SLC30A8: variants seen among roughly 807,000 people sequenced by gnomAD.
The protein encoded by SLC30A8 is proton-coupled zinc antiporter SLC30A8.
Under a neutral mutation model 36.9 loss-of-function variants are expected in SLC30A8, and 27 were observed. The observed-to-expected ratio is 0.73, with a 90% CI of 0.54 to 1.01. The LOEUF (loss-of-function observed/expected upper bound fraction) is 1.01. Among genes scored for constraint, SLC30A8 ranks in the 50% least tolerant of loss-of-function variants. The probability of loss-of-function intolerance (pLI) is 0.00; values close to 1 mark genes in which losing one functional copy is unlikely to be tolerated. For synonymous variants in SLC30A8, 164 were observed against 172.4 expected (o/e 0.95, Z 0.38); for missense variants, 439 against 452.0 (o/e 0.97, Z 0.26).
At chr8:117,136,868 C>T (rs2130936882) in intron 1 of SLC30A8, among the ~76,000 whole-genome samples, 1 of 152,080 alleles carries the variant, frequency 6.6e-6, no homozygotes, top group African/African-American at 2.4e-5. Context: ...GTATGGTTTT[C>T]AGGACACAGT....
chr8:117,095,691 C>G (rs868134356), intron 2 of SLC30A8, among the ~76,000 whole-genome samples: 2 of 152,214 alleles, frequency 1.3e-5, no homozygotes, highest in South Asian at 4.1e-4. Flanking sequence ...TTGTTCATTC[C>G]TTTAGTCAGG....
At chr8:116,986,182 G>C (rs901264957) in intron 1 of SLC30A8, among the ~76,000 whole-genome samples, 4 of 152,182 alleles carry the variant, frequency 2.6e-5, no homozygotes, top group African/African-American at 9.6e-5. Context: ...TTTCTTCTTA[G>C]TTTTCTTCAT....
intron 2 of SLC30A8, among the ~76,000 whole-genome samples, chr8:117,040,104 T>G (rs1817335969): frequency 1.3e-5 from 2 of 152,364 alleles, no homozygotes; most frequent in South Asian, 4.1e-4. Context: ...AATTTCTTTC[T>G]GATCACTGTG....
intron 6 of SLC30A8, among the ~76,000 whole-genome samples, chr8:117,168,764 G>C (rs1823199212): frequency 1.3e-5 from 2 of 152,138 alleles, no homozygotes; most frequent in Admixed American, 6.5e-5. Flanking sequence ...AGGCATAACA[G>C]ACAGTGTTTT....
chr8:117,079,951 C>T (rs1818615632), intron 2 of SLC30A8, among the ~76,000 whole-genome samples: 1 of 152,158 alleles, frequency 6.6e-6, no homozygotes, highest in African/African-American at 2.4e-5. Context: ...TCTCTAATTA[C>T]TTTGGTCGTG....
At chr8:117,054,289 CAG>C (rs1317536476) in intron 2 of SLC30A8, among the ~76,000 whole-genome samples, 1 of 151,838 alleles carries the variant, frequency 6.6e-6, no homozygotes, top group Non-Finnish European at 1.5e-5. Context: ...TTTGTAGAAA[CAG>C]GGTCTTGCCG....
intron 3 of SLC30A8, among the ~76,000 whole-genome samples, chr8:117,154,383 C>G (rs978056574): frequency 1.2e-4 from 18 of 152,180 alleles, no homozygotes; most frequent in Non-Finnish European, 1.2e-4. Flanking sequence ...CATTTTCACA[C>G]TGGTTGAGAA....
At chr8:117,024,763 C>T (rs933347730) in intron 1 of SLC30A8, among the ~76,000 whole-genome samples, 2 of 152,124 alleles carry the variant, frequency 1.3e-5, no homozygotes, top group Admixed American at 6.5e-5. Flanking sequence ...TTCTTTTTCT[C>T]CCCTATCAGT....
At chr8:117,079,051 G>T (rs188211192) in intron 2 of SLC30A8, among the ~76,000 whole-genome samples, 19 of 151,374 alleles carry the variant, frequency 1.3e-4, no homozygotes, top group African/African-American at 4.4e-4. Flanking sequence ...TTGCTCTGTC[G>T]TCCAGGCTGG....
intron 1 of SLC30A8, among the ~76,000 whole-genome samples, chr8:117,021,227 C>T (rs1816686746): frequency 6.6e-6 from 1 of 152,176 alleles, no homozygotes; most frequent in South Asian, 2.1e-4. Flanking sequence ...GGTTTGCTGC[C>T]TTCTGATCTC....
intron 2 of SLC30A8, among the ~76,000 whole-genome samples, chr8:117,050,651 C>T (rs1817679896): frequency 6.6e-6 from 1 of 152,152 alleles, no homozygotes; most frequent in Admixed American, 6.5e-5. Context: ...GGTGATCCGC[C>T]CTCTTTGGCC....
At chr8:116,961,110 C>T (rs1814401812) in intron 1 of SLC30A8, among the ~76,000 whole-genome samples, 1 of 152,064 alleles carries the variant, frequency 6.6e-6, no homozygotes, top group Admixed American at 6.6e-5. Context: ...TAGTTGTTAT[C>T]TATATTAATG....
Position 117,174,769 on chromosome 8 carries a change from A to T in SLC30A8, c.*2088A>T, listed in dbSNP as rs1345886860. ...CATTATGGAGGGAGATTTGTGTGTCAACCAAAGTAATTGTCCCATGGCCCC... is the reference window on the plus strand; with the variant it reads ...CATTATGGAGGGAGATTTGTGTGTCTACCAAAGTAATTGTCCCATGGCCCC... On this transcript the variant is annotated 3_prime_UTR_variant, in exon 8 of 8. Transcript: ENST00000456015. 1 of 152,548 alleles carries T rather than the reference A, an allele frequency of 6.6e-6. No homozygotes were observed. The highest frequency in any genetic ancestry group is 1.5e-5 in the Non-Finnish European group (1 of 67,998). 9.4% of individuals were successfully genotyped at this position (152,548 alleles called of 1,614,324 possible).
Position 117,147,103 on chromosome 8 carries a change from TC to T in SLC30A8, c.222del (p.Cys75ValfsTer11). The T allele has an allele frequency of 6.2e-7, 1 of 1,614,090 alleles. No homozygotes were observed. ...ANEYAYAKWK[L>X]CSASAICFIF... ...GAGTACGCCTATGCCAAGTGGAAAC[TC>T]TGTTCTGCTTCAGCAATATGCTTCA... On this transcript the variant is annotated frameshift_variant, in exon 2 of 8. Coordinates refer to ENST00000456015, the MANE Select transcript of SLC30A8 (RefSeq NM_173851.3). LOFTEE classifies it high-confidence loss of function.
chr8:117,004,993 T>A (rs1045626878), intron 1 of SLC30A8, among the ~76,000 whole-genome samples: 7 of 152,328 alleles, frequency 4.6e-5, no homozygotes, highest in Admixed American at 2.6e-4. Context: ...AAAACAGCTT[T>A]ATTAATATAT....
At chr8:117,142,781 A>G (rs1453630572) in intron 1 of SLC30A8, among the ~76,000 whole-genome samples, 1 of 152,084 alleles carries the variant, frequency 6.6e-6, no homozygotes, top group Non-Finnish European at 1.5e-5. Context: ...CTCACCATTC[A>G]TCATACTATA....
chr8:117,031,185 T>A (rs781708940), intron 1 of SLC30A8, among the ~76,000 whole-genome samples: 2 of 151,564 alleles, frequency 1.3e-5, no homozygotes, highest in Non-Finnish European at 2.9e-5. Flanking sequence ...CATTTATAAA[T>A]GCTTACTGTG....
At chr8:116,957,097 C>T (rs900895352) in intron 1 of SLC30A8, among the ~76,000 whole-genome samples, 3 of 152,086 alleles carry the variant, frequency 2.0e-5, no homozygotes, top group African/African-American at 7.2e-5. Flanking sequence ...TGGTCTTACA[C>T]ATAAAAAAGT....
chr8:117,086,789 G>A (rs1001254693), intron 2 of SLC30A8, among the ~76,000 whole-genome samples: 1 of 152,222 alleles, frequency 6.6e-6, no homozygotes, highest in Non-Finnish European at 1.5e-5. Context: ...TAGGCTTAAA[G>A]TCAAGTGGCT....
Sources: gnomAD v4.1 joint callset for allele counts (sites outside exome capture counted in the v4.1 genomes callset) on GRCh38, gnomAD v4.1.1 for gene constraint, MANE v1.5 for transcripts, NCBI Gene and HGNC (gene_info 2026-07-23, HGNC 2026-07-21) for gene names.